Variants in SPAG16 observed in about 807,000 individuals in gnomAD.
SPAG16 encodes sperm associated antigen 16.
A neutral mutation model predicts 80.4 loss-of-function variants in SPAG16; 86 were observed. The observed-to-expected ratio is 1.07, with a 90% confidence interval of 0.90 to 1.28. SPAG16 has a LOEUF of 1.28. Among genes scored for constraint, SPAG16 ranks in the 50% most tolerant of loss-of-function variants. The pLI is 0.00. For synonymous variants in SPAG16, 294 were observed against 265.9 expected (o/e 1.11, Z -1.03); for missense variants, 870 against 765.3 (o/e 1.14, Z -1.61).
At chr2:214,047,883 T>C (rs188878771) in intron 13 of SPAG16, among the ~76,000 whole-genome samples, 15 of 152,240 alleles carry the variant, frequency 9.9e-5, no homozygotes, top group Admixed American at 9.2e-4. Flanking sequence ...GCAAAATACC[T>C]GAATAGACAT....
At chr2:213,865,175 A>G (rs1056283537) in intron 11 of SPAG16, among the ~76,000 whole-genome samples, 1 of 152,054 alleles carries the variant, frequency 6.6e-6, no homozygotes, top group Non-Finnish European at 1.5e-5. Flanking sequence ...GAGAGAATAT[A>G]AATTTTTTGA....
chr2:213,628,317 C>A (rs2062029674), intron 10 of SPAG16, among the ~76,000 whole-genome samples: 1 of 152,172 alleles, frequency 6.6e-6, no homozygotes, highest in African/African-American at 2.4e-5. Context: ...CTCCTGATTC[C>A]TCCCAGGAGT....
intron 11 of SPAG16, among the ~76,000 whole-genome samples, chr2:213,899,172 TG>T (rs2077112574): frequency 6.6e-6 from 1 of 152,066 alleles, no homozygotes; most frequent in Non-Finnish European, 1.5e-5. Context: ...GCTTAGAACT[TG>T]GTGTACTTGT....
intron 5 of SPAG16, 89 bp from the exon 6 acceptor site, chr2:213,340,074 A>G (rs2064596684): frequency 5.3e-6 from 4 of 754,032 alleles, no homozygotes; most frequent in South Asian, 3.7e-5. Flanking sequence ...TATCTTTTGA[A>G]TGGCACAATA....
intron 4 of SPAG16, among the ~76,000 whole-genome samples, chr2:213,315,564 G>T (rs1472691130): frequency 6.6e-6 from 1 of 151,886 alleles, no homozygotes; most frequent in African/African-American, 2.4e-5. Flanking sequence ...CTTCTTCTAA[G>T]TTCATCTTGA....
At chr2:213,920,518 G>A (rs1006209304) in intron 11 of SPAG16, among the ~76,000 whole-genome samples, 15 of 152,304 alleles carry the variant, frequency 9.8e-5, no homozygotes, top group Middle Eastern at 6.8e-3. Flanking sequence ...TGGGGGTAGG[G>A]AATAGGCAGG....
intron 15 of SPAG16, among the ~76,000 whole-genome samples, chr2:214,182,103 T>A (rs1266943192): frequency 1.3e-5 from 2 of 151,860 alleles, no homozygotes; most frequent in Non-Finnish European, 2.9e-5. Context: ...ACAGTTTATC[T>A]CTTTCTTCTC....
chr2:213,868,779 C>T (rs1386281947), intron 11 of SPAG16, among the ~76,000 whole-genome samples: 1 of 152,154 alleles, frequency 6.6e-6, no homozygotes, highest in Non-Finnish European at 1.5e-5. Flanking sequence ...TGACAGCATC[C>T]TGTTAAACAG....
intron 10 of SPAG16, among the ~76,000 whole-genome samples, chr2:213,579,346 G>A (rs967379575): frequency 2.6e-5 from 4 of 152,142 alleles, no homozygotes. Context: ...CCCAGATAGG[G>A]TGTGTGTCTT....
intron 15 of SPAG16, among the ~76,000 whole-genome samples, chr2:214,355,828 G>GA (rs916804730): frequency 4.0e-5 from 6 of 151,464 alleles, no homozygotes; most frequent in African/African-American, 1.5e-4. Context: ...ATACACCATG[G>GA]AATACTATGC....
At chr2:214,041,482 T>C (rs2125092868) in intron 13 of SPAG16, among the ~76,000 whole-genome samples, 1 of 151,238 alleles carries the variant, frequency 6.6e-6, no homozygotes, top group Admixed American at 6.6e-5. Flanking sequence ...GGCTAAAAAA[T>C]GTCCTATGTA....
At chr2:213,852,372 A>G (rs2074950641) in intron 10 of SPAG16, among the ~76,000 whole-genome samples, 1 of 152,144 alleles carries the variant, frequency 6.6e-6, no homozygotes, top group East Asian at 1.9e-4. Context: ...TAATTCTCCT[A>G]CTTAAAACCG....
intron 12 of SPAG16, among the ~76,000 whole-genome samples, chr2:213,940,852 C>T (rs1007725415): frequency 2.6e-5 from 4 of 152,078 alleles, no homozygotes; most frequent in Admixed American, 2.6e-4. Context: ...ACTCTTATTT[C>T]CTCCTAACTT....
At chr2:214,067,580 T>G (rs192307950) in intron 13 of SPAG16, among the ~76,000 whole-genome samples, 2 of 151,802 alleles carry the variant, frequency 1.3e-5, no homozygotes, top group African/African-American at 4.8e-5. Context: ...ACTCAAAATT[T>G]GGGCAAAGAT....
chr2:214,260,107 T>C (rs1691028233), intron 15 of SPAG16, among the ~76,000 whole-genome samples: 1 of 152,146 alleles, frequency 6.6e-6, no homozygotes. Context: ...TAGTGGGTAG[T>C]GTTATTTTTA....
chr2:214,304,052 C>G (rs375046589), intron 15 of SPAG16, among the ~76,000 whole-genome samples: 1 of 152,138 alleles, frequency 6.6e-6, no homozygotes, highest in African/African-American at 2.4e-5. Flanking sequence ...TTGTTCCCCT[C>G]TATATGTCCA....
intron 13 of SPAG16, among the ~76,000 whole-genome samples, chr2:214,068,479 T>G (rs1009647054): frequency 6.6e-6 from 1 of 152,048 alleles, no homozygotes; most frequent in East Asian, 1.9e-4. Context: ...CTCATGGAGG[T>G]GGCCATGGTT....
chr2:213,396,366 C>T (rs1394001689), intron 9 of SPAG16, among the ~76,000 whole-genome samples: 2 of 152,168 alleles, frequency 1.3e-5, no homozygotes, highest in African/African-American at 2.4e-5. Flanking sequence ...TCTTTAACAT[C>T]TTTCAATAAC....
At chr2:213,833,577 A>T (rs4016161) in intron 10 of SPAG16, among the ~76,000 whole-genome samples, 1,183 of 6,502 alleles carry the variant, frequency 0.18, 348 homozygotes, top group Non-Finnish European at 0.29. Flanking sequence ...ATATATATAT[A>T]ATATATATAT....
Sources: gnomAD v4.1 joint callset for allele counts (sites outside exome capture counted in the v4.1 genomes callset) on GRCh38, gnomAD v4.1.1 for gene constraint, MANE v1.5 for transcripts, NCBI Gene and HGNC (gene_info 2026-07-23, HGNC 2026-07-21) for gene names.